SMAD3: variants seen among roughly 807,000 people sequenced by gnomAD.
The protein encoded by SMAD3 is SMAD family member 3, also known as MAD homolog 3.
Under a neutral mutation model 51.8 loss-of-function variants are expected in SMAD3, and 12 were observed. The ratio of observed to expected loss-of-function variants is 0.23; its 90% CI spans 0.15 to 0.38. SMAD3 has a LOEUF of 0.38. Among genes scored for constraint, SMAD3 ranks in the 10% least tolerant of loss-of-function variants. The probability of loss-of-function intolerance (pLI) is 1.00; values close to 1 mark genes in which losing one functional copy is unlikely to be tolerated. For missense variants in SMAD3, 294 were observed against 565.6 expected (o/e 0.52, Z 4.87); for synonymous variants, 238 against 227.7 (o/e 1.05, Z -0.41).
rs184810799 is a variant in SMAD3, at chr15:67,116,695, G to T, written c.207-48200G>T. 3.9e-5 allele frequency among the ~76,000 whole-genome samples: 6 copies of T among 152,322 alleles called. No homozygotes were observed. The East Asian group carries it at 1.2e-3, about 29-fold the overall frequency. ...CTCAAAGCCTGTGGGACCTAAATGG[G>T]CACAGTGAAGGAGAGTCTTAGGTGG... On this transcript the variant is annotated intron_variant, in intron 1 of 8. Coordinates refer to ENST00000327367, the MANE Select transcript of SMAD3 (RefSeq NM_005902.4).
chr15:67,176,490 C>T (rs976701633), intron 5 of SMAD3, among the ~76,000 whole-genome samples: 2 of 152,328 alleles, frequency 1.3e-5, no homozygotes, highest in Middle Eastern at 3.4e-3. Flanking sequence ...GGCCTTTGCC[C>T]GTTCCTTGCT....
rs557102238 is a variant in SMAD3, at chr15:67,094,043, G to A, written c.206+27683G>A. ...GTTTTAGGGCTCTTTGTGTGACCAC[G>A]GTGCTTCCCAGGCCCACACTTCCAG... On this transcript the variant is annotated intron_variant, in intron 1 of 8. Transcript: ENST00000327367. Among the ~76,000 whole-genome samples, 8 of 152,332 alleles carry A rather than the reference G, an allele frequency of 5.3e-5. No individual in the cohort carries two copies. In the South Asian group the frequency reaches 1.2e-3, roughly 24 times the overall value.
At chr15:67,113,096 T>TATATATATATATATATATATATATATA (rs58255931) in intron 1 of SMAD3, among the ~76,000 whole-genome samples, 29 of 86,884 alleles carry the variant, frequency 3.3e-4, no homozygotes, top group South Asian at 9.5e-4. Flanking sequence ...ATATATATAT[T>TATATATATATATATATATATATATATA]TTTTTGAGAC....
intron 1 of SMAD3, among the ~76,000 whole-genome samples, chr15:67,153,495 C>T (rs375221848): frequency 4.4e-3 from 259 of 58,738 alleles, no homozygotes; most frequent in African/African-American, 0.018. Flanking sequence ...GGGGGGCGGG[C>T]GGGGGGGATT....
At chr15:67,186,205 A>T (rs536707705) in intron 7 of SMAD3, among the ~76,000 whole-genome samples, 4 of 152,228 alleles carry the variant, frequency 2.6e-5, no homozygotes, top group African/African-American at 9.6e-5. Flanking sequence ...TGGACTCTCA[A>T]GTTTGGTGCT....
At chr15:67,107,877 A>G (rs1431241176) in intron 1 of SMAD3, among the ~76,000 whole-genome samples, 1 of 152,098 alleles carries the variant, frequency 6.6e-6, no homozygotes, top group African/African-American at 2.4e-5. Flanking sequence ...TGATACTGAC[A>G]TCTGGTGTGG....
At chr15:67,189,141 T>C (rs1393338518) in intron 8 of SMAD3, among the ~76,000 whole-genome samples, 1 of 152,218 alleles carries the variant, frequency 6.6e-6, no homozygotes, top group Non-Finnish European at 1.5e-5. Context: ...AGAAAATTAA[T>C]CTTTTTTTAG....
intron 1 of SMAD3, among the ~76,000 whole-genome samples, chr15:67,108,056 C>T (rs1960921243): frequency 6.7e-6 from 1 of 149,946 alleles, no homozygotes; most frequent in African/African-American, 2.4e-5. Flanking sequence ...GGTTAGAACC[C>T]TTCCGTCCAG....
At chr15:67,170,383 G>A (rs1034738320) in intron 4 of SMAD3, among the ~76,000 whole-genome samples, 171 bp from the exon 5 acceptor site, 35 of 152,334 alleles carry the variant, frequency 2.3e-4, no homozygotes, top group African/African-American at 8.2e-4. Context: ...GGGGCCCAGG[G>A]AGGGAAAGTA....
intron 1 of SMAD3, among the ~76,000 whole-genome samples, chr15:67,075,186 G>A (rs2140198484): frequency 6.6e-6 from 1 of 152,276 alleles, no homozygotes; most frequent in Non-Finnish European, 1.5e-5. Context: ...ATCCAGAAAG[G>A]ACTTTTTGAG....
chr15:67,125,078 G>A (rs1961351395), intron 1 of SMAD3, among the ~76,000 whole-genome samples: 1 of 152,256 alleles, frequency 6.6e-6, no homozygotes. Context: ...GTCGGGGAAA[G>A]GGAGGGAGGG....
At chr15:67,152,212 A>G (rs912163119) in intron 1 of SMAD3, among the ~76,000 whole-genome samples, 1 of 152,162 alleles carries the variant, frequency 6.6e-6, no homozygotes, top group Non-Finnish European at 1.5e-5. Flanking sequence ...GGGCTGATAA[A>G]TGTTTTTACC....
rs187609386 is a variant in SMAD3, at chr15:67,179,663, C to T, written c.659-1578C>T. 3.9e-5 allele frequency among the ~76,000 whole-genome samples: 6 copies of T among 152,262 alleles called. No homozygotes were observed. The East Asian group carries it at 1.2e-3, about 29-fold the overall frequency. ...CTCTGTCCTGCAGGGGCAACCAGACCCCTTCCAGTGGGCAGAACAGCTTCT... is the reference window on the plus strand; with the variant it reads ...CTCTGTCCTGCAGGGGCAACCAGACTCCTTCCAGTGGGCAGAACAGCTTCT... On this transcript the variant is annotated intron_variant, in intron 5 of 8. Coordinates refer to ENST00000327367, the MANE Select transcript of SMAD3 (RefSeq NM_005902.4).
At chr15:67,160,862 A>G (rs891712528) in intron 1 of SMAD3, among the ~76,000 whole-genome samples, 2 of 149,478 alleles carry the variant, frequency 1.3e-5, no homozygotes, top group Admixed American at 1.3e-4. Context: ...AAACAGGTCT[A>G]TTATCAAATA....
intron 1 of SMAD3, among the ~76,000 whole-genome samples, chr15:67,101,681 G>A (rs17213990): frequency 0.097 from 14,757 of 152,246 alleles, 795 homozygotes; most frequent in Middle Eastern, 0.13. Context: ...GGTGAGATCC[G>A]TAGGCAAGGA....
At chr15:67,182,991 A>T (rs1567000482) in intron 6 of SMAD3, among the ~76,000 whole-genome samples, 4 of 45,472 alleles carry the variant, frequency 8.8e-5, no homozygotes, top group African/African-American at 3.6e-4. Context: ...TTTATTAAAA[A>T]AAAAAAAAAA....
chr15:67,192,741 G>C lies in SMAD3; in HGVS notation c.*2205G>C. ...GGTGATCCAGTGATCTATGGAAGTC[G>C]TGTCTTACTCCAGGTGAAGGGGGAA... On this transcript the variant is annotated 3_prime_UTR_variant, in exon 9 of 9. Transcript: ENST00000327367. 4.3e-6 allele frequency: 1 copy of C among 232,900 alleles called. No homozygotes were observed. The highest frequency in any genetic ancestry group is 6.0e-5 in the East Asian group (1 of 16,660). 14.4% of individuals were successfully genotyped at this position (232,900 alleles called of 1,614,324 possible).
Position 67,190,341 on chromosome 15 carries a change from G to A in SMAD3, c.1155-72G>A, listed in dbSNP as rs548183154. 1.1e-4 allele frequency: 159 copies of A among 1,414,378 alleles called. No individual in the cohort carries two copies. In the African/African-American group the frequency reaches 2.1e-3, roughly 18 times the overall value. 87.6% of individuals were successfully genotyped at this position (1,414,378 alleles called of 1,614,324 possible). A position where few individuals can be genotyped will look rare whatever the true frequency, so the allele number is the denominator to read the frequency against. On this transcript the variant is annotated intron_variant, in intron 8 of 8. Transcript: ENST00000327367. ...GATGACTGTCACCAAAGCAGAAAAA[G>A]CTTTCTGACTTGTGTAACCCCCTGG... is the stretch of plus-strand genomic sequence containing the variant.
intron 4 of SMAD3, among the ~76,000 whole-genome samples, chr15:67,169,373 C>T (rs1021615672): frequency 2.0e-5 from 3 of 152,106 alleles, no homozygotes; most frequent in Non-Finnish European, 2.9e-5. Context: ...AAGAGATTCC[C>T]ACAAACAGCG....
Sources: allele counts gnomAD v4.1 joint callset (sites outside exome capture counted in the v4.1 genomes callset), GRCh38; gene constraint gnomAD v4.1.1; transcripts MANE v1.5; gene names NCBI Gene and HGNC (gene_info 2026-07-23, HGNC 2026-07-21).